Variants in KMT5B observed in about 807,000 individuals in gnomAD.
KMT5B encodes the protein lysine methyltransferase 5B.
KMT5B carries 10 observed loss-of-function variants against 83.2 expected under a neutral mutation model. The ratio of observed to expected loss-of-function variants is 0.12; its 90% confidence interval spans 0.07 to 0.20. The LOEUF (loss-of-function observed/expected upper bound fraction) is 0.20. KMT5B is among the 10% of genes least tolerant of loss of function. KMT5B has a pLI of 1.00. For synonymous variants in KMT5B, 349 were observed against 388.8 expected, an observed-to-expected ratio of 0.90 and a Z score of 1.20; for missense variants, 753 against 1,067.2, an observed-to-expected ratio of 0.71 and a Z score of 4.10.
In KMT5B at chr11:68,171,820, T is replaced by C. The variant is rs1855860934; in HGVS notation, c.654-111A>G. ...ATCAGAAACTGAAAAGGCCTAGCTG[T>C]CTATACTTTAGTTAGCTCACTGGGA... On this transcript the variant is annotated intron_variant, in intron 6 of 10. Transcript: ENST00000304363. This position sits in a 1 kb window ranked among gnomAD's most constrained non-coding sequence, Gnocchi z 5.1. 2 of 904,584 alleles carry C rather than the reference T, an allele frequency of 2.2e-6. No homozygotes were observed. Among genetic ancestry groups the C allele is most frequent in the Non-Finnish European group, 3.3e-6 (2 of 604,156 alleles). 56.0% of individuals were successfully genotyped at this position (904,584 alleles called of 1,614,324 possible). A position where few individuals can be genotyped will look rare whatever the true frequency, so the allele number is the denominator to read the frequency against.
chr11:68,209,927 A>C (rs1591091100), intron 1 of KMT5B, among the ~76,000 whole-genome samples: 2 of 147,848 alleles, frequency 1.4e-5, no homozygotes, highest in East Asian at 4.0e-4. Context: ...AGTGCAGTGG[A>C]GCCATCTCTG....
chr11:68,168,015 T>C (rs541619406), intron 9 of KMT5B, among the ~76,000 whole-genome samples: 22 of 151,738 alleles, frequency 1.4e-4, no homozygotes, highest in African/African-American at 5.3e-4. Context: ...CTACTAAAAA[T>C]ACAAAAAAAA....
intron 1 of KMT5B, among the ~76,000 whole-genome samples, chr11:68,191,913 G>C (rs1858127937): frequency 6.6e-6 from 1 of 152,184 alleles, no homozygotes; most frequent in Admixed American, 6.5e-5. Flanking sequence ...CCATTCATGG[G>C]AAGTGCCCTT....
At chr11:68,183,987 T>C (rs1190520444) in intron 3 of KMT5B, among the ~76,000 whole-genome samples, 1 of 151,878 alleles carries the variant, frequency 6.6e-6, no homozygotes, top group Non-Finnish European at 1.5e-5. Flanking sequence ...GGGCATCCAA[T>C]GGCAGTCATT....
intron 1 of KMT5B, among the ~76,000 whole-genome samples, chr11:68,191,316 G>A (rs572023799): frequency 1.8e-4 from 27 of 151,906 alleles, no homozygotes; most frequent in African/African-American, 6.3e-4. Context: ...ATGAGCCACT[G>A]TGCCTGGCTA....
rs185746716 is a variant in KMT5B, at chr11:68,175,286, A to G, written c.378-103T>C. ...AAGAGCTAATACCCTAAAAACAGCCATGGTTATCAGAGCAAAGATCTAAGA... is the reference window on the plus strand; with the variant it reads ...AAGAGCTAATACCCTAAAAACAGCCGTGGTTATCAGAGCAAAGATCTAAGA... On this transcript the variant is annotated intron_variant, in intron 4 of 10. Transcript: ENST00000304363. 5.0e-5 allele frequency: 42 copies of G among 837,812 alleles called. No individual in the cohort carries two copies. In the East Asian group the frequency reaches 1.0e-3, roughly 21 times the overall value. 51.9% of individuals were successfully genotyped at this position (837,812 alleles called of 1,614,324 possible).
intron 10 of KMT5B, chr11:68,164,778 G>C (rs548497432): frequency 2.2e-6 from 1 of 460,064 alleles, no homozygotes; most frequent in East Asian, 6.8e-5. Flanking sequence ...AGCTTAAAGC[G>C]ATTATTCAGT....
At chr11:68,165,782 T>G (rs1855262893) in intron 10 of KMT5B, 1 of 1,535,190 alleles carries the variant, frequency 6.5e-7, no homozygotes. Flanking sequence ...TAACTCTTGT[T>G]GTTCACTCTG....
chr11:68,181,983 C>T (rs1856978283), intron 3 of KMT5B, among the ~76,000 whole-genome samples: 1 of 152,208 alleles, frequency 6.6e-6, no homozygotes, highest in Admixed American at 6.5e-5. Flanking sequence ...TGTACTTCCA[C>T]AGGTTATTTT....
intron 1 of KMT5B, among the ~76,000 whole-genome samples, chr11:68,199,276 C>T (rs533096138): frequency 1.3e-5 from 2 of 152,166 alleles, no homozygotes; most frequent in Non-Finnish European, 2.9e-5. Context: ...AATAAATTAA[C>T]GAATGAATGT....
chr11:68,187,054 T>TG (rs1210919805), intron 2 of KMT5B, among the ~76,000 whole-genome samples: 1 of 152,002 alleles, frequency 6.6e-6, no homozygotes, highest in Non-Finnish European at 1.5e-5. Context: ...TGGAGTGCAG[T>TG]GGCATGATCA....
At chr11:68,198,457 CAAGA>C in intron 1 of KMT5B, among the ~76,000 whole-genome samples, 1 of 87,816 alleles carries the variant, frequency 1.1e-5, no homozygotes, top group East Asian at 3.5e-4. Context: ...CAAGACAAGA[CAAGA>C]CAAGACAAGA....
chr11:68,199,201 G>T (rs191587709), intron 1 of KMT5B, among the ~76,000 whole-genome samples: 1 of 152,204 alleles, frequency 6.6e-6, no homozygotes, highest in African/African-American at 2.4e-5. Flanking sequence ...AATACAGCAT[G>T]GAACAAAATA....
In KMT5B at chr11:68,155,536, G is replaced by A. The variant is rs918847651; in HGVS notation, c.*2152C>T. On this transcript the variant is annotated 3_prime_UTR_variant, in exon 11 of 11. Transcript: ENST00000304363. ...CGAAATTCCCAAAATAGCTATCGTT[G>A]GTATTCAAATAAGGTTTAAGATTTA... 3 of 152,120 alleles carry A rather than the reference G, an allele frequency of 2.0e-5. No individual in the cohort carries two copies. Among genetic ancestry groups the A allele is most frequent in the Admixed American group, 2.0e-4 (3 of 15,272 alleles). The allele number at this position is 152,120 out of a possible 1,614,324, so 9.4% of individuals were successfully genotyped here.
chr11:68,184,192 T>G (rs1264289212), intron 3 of KMT5B, among the ~76,000 whole-genome samples: 3 of 151,140 alleles, frequency 2.0e-5, no homozygotes, highest in Non-Finnish European at 4.4e-5. Context: ...GTCAACATGG[T>G]GAAACCTCAT....
chr11:68,202,956 C>A (rs1057151685), intron 1 of KMT5B, among the ~76,000 whole-genome samples: 8 of 151,984 alleles, frequency 5.3e-5, no homozygotes, highest in Non-Finnish European at 1.0e-4. Context: ...GTAGAATTGC[C>A]GGGTCATATG....
At chr11:68,170,294 A>AC (rs1248440049) in intron 9 of KMT5B, among the ~76,000 whole-genome samples, 6 of 152,164 alleles carry the variant, frequency 3.9e-5, no homozygotes, top group Non-Finnish European at 5.9e-5. Flanking sequence ...TGAGAACTGA[A>AC]CAAGGTGGTG....
intron 2 of KMT5B, 64 bp downstream of exon 2, chr11:68,189,853 A>C: frequency 6.7e-7 from 1 of 1,494,324 alleles, no homozygotes; most frequent in Non-Finnish European, 9.0e-7. Flanking sequence ...TACACATTAC[A>C]AACTGGAAAG....
At chr11:68,198,228 AC>A (rs1218203395) in intron 1 of KMT5B, among the ~76,000 whole-genome samples, 4 of 152,180 alleles carry the variant, frequency 2.6e-5, no homozygotes, top group Non-Finnish European at 4.4e-5. Context: ...TGCTAAAAAT[AC>A]AAAAATTAGC....
Sources: gnomAD v4.1 joint callset for allele counts (sites outside exome capture counted in the v4.1 genomes callset) on GRCh38, gnomAD v4.1.1 for gene constraint, Gnocchi (gnomAD v3.1) non-coding constraint, MANE v1.5 for transcripts, NCBI Gene and HGNC (gene_info 2026-07-23, HGNC 2026-07-21) for gene names.